Variants in STPG2 observed in about 807,000 individuals in gnomAD.
STPG2 encodes sperm-tail PG-rich repeat-containing protein 2.
Under a neutral mutation model 54.2 loss-of-function variants are expected in STPG2, and 56 were observed. That is an observed-to-expected ratio of 1.03 (90% confidence interval 0.83 to 1.29). The LOEUF is 1.29. Ranked by LOEUF, STPG2 falls within the 50% of genes most tolerant of loss-of-function variation. The probability of loss-of-function intolerance (pLI) is 0.00; values close to 1 mark genes in which losing one functional copy is unlikely to be tolerated. For missense variants in STPG2, 596 were observed against 544.9 expected (o/e 1.09, Z -0.93); for synonymous variants, 200 against 181.8 (o/e 1.10, Z -0.81).
intron 9 of STPG2, among the ~76,000 whole-genome samples, chr4:97,814,330 G>A (rs1256242111): frequency 6.6e-6 from 1 of 151,772 alleles, no homozygotes; most frequent in Non-Finnish European, 1.5e-5. Flanking sequence ...ATTTTGTTTT[G>A]TTTTGTTTTT....
chr4:97,865,545 C>A (rs572961941), intron 8 of STPG2, among the ~76,000 whole-genome samples: 7 of 152,054 alleles, frequency 4.6e-5, no homozygotes, highest in Non-Finnish European at 1.0e-4. Flanking sequence ...CCTTAGGTAT[C>A]TAGAACTAGA....
intron 10 of STPG2, among the ~76,000 whole-genome samples, chr4:97,670,204 T>C (rs929007500): frequency 6.6e-6 from 1 of 152,154 alleles, no homozygotes; most frequent in Non-Finnish European, 1.5e-5. Flanking sequence ...ATGGTATATA[T>C]GCTTCACCTC....
rs143709029 is a variant in STPG2 at position 98,022,950 on chromosome 4, C to T, written c.613-41632G>A. On this transcript the variant is annotated intron_variant, in intron 5 of 10. Coordinates refer to ENST00000295268, the MANE Select transcript of STPG2 (RefSeq NM_174952.3). ...TTTTTCCAAGTTTTTAACTTCTTTG[C>T]CATTGGTTTGAATTTCCTCCTGTAG... Among the ~76,000 whole-genome samples, 1,242 of 152,232 alleles carry T rather than the reference C, an allele frequency of 8.2e-3. 11 individuals are homozygous for T. The highest frequency in any genetic ancestry group is 0.014 in the Non-Finnish European group (930 of 68,010).
rs1578486505 is a variant in STPG2 at position 97,695,018 on chromosome 4, A to G, written c.1320+17681T>C. Reference sequence around the variant, plus strand: ...CCAATGTCACCCTAATAGCAAAACCATGAAAGGACATAACAAAAAGAGAAA... The same window carrying G: ...CCAATGTCACCCTAATAGCAAAACCGTGAAAGGACATAACAAAAAGAGAAA... On this transcript the variant is annotated intron_variant, in intron 10 of 10. Coordinates refer to ENST00000295268, the MANE Select transcript of STPG2 (RefSeq NM_174952.3). 1.3e-5 allele frequency among the ~76,000 whole-genome samples: 2 copies of G among 151,256 alleles called. 1 individual carries two copies. Among genetic ancestry groups the G allele is most frequent in the South Asian group, 4.2e-4 (2 of 4,788 alleles).
chr4:97,764,092 C>A, intron 9 of STPG2, among the ~76,000 whole-genome samples: 1 of 149,326 alleles, frequency 6.7e-6, no homozygotes, highest in Non-Finnish European at 1.5e-5. Context: ...TCTTCAAATC[C>A]AACCTCCACA....
At chr4:97,910,024 G>A (rs995479570) in intron 8 of STPG2, among the ~76,000 whole-genome samples, 2 of 152,128 alleles carry the variant, frequency 1.3e-5, no homozygotes, top group Non-Finnish European at 2.9e-5. Flanking sequence ...ATATTCTGAA[G>A]TAAATCCCTG....
chr4:97,941,564 A>G (rs1560601383), intron 8 of STPG2, among the ~76,000 whole-genome samples: 1 of 152,100 alleles, frequency 6.6e-6, no homozygotes, highest in African/African-American at 2.4e-5. Flanking sequence ...TGTAAAAGAA[A>G]TAAGTCTTTG....
chr4:97,503,928 A>C (rs1262176191), intron 4 of STPG2, among the ~76,000 whole-genome samples: 24 of 107,468 alleles, frequency 2.2e-4, no homozygotes, highest in Admixed American at 1.0e-3. Context: ...AAATATATTT[A>C]AATATTTTAA....
chr4:97,773,433 C>G (rs1726277569), intron 9 of STPG2, among the ~76,000 whole-genome samples: 1 of 152,066 alleles, frequency 6.6e-6, no homozygotes, highest in African/African-American at 2.4e-5. Flanking sequence ...AATTCTTCTG[C>G]CTTAGCCTCT....
intron 9 of STPG2, among the ~76,000 whole-genome samples, chr4:97,743,352 A>C (rs1294261935): frequency 6.6e-6 from 1 of 151,758 alleles, no homozygotes; most frequent in Admixed American, 6.6e-5. Context: ...AAATACACTC[A>C]GCTCCAGGTT....
chr4:97,769,109 C>T (rs1047039962), intron 9 of STPG2, among the ~76,000 whole-genome samples: 3 of 152,200 alleles, frequency 2.0e-5, no homozygotes, highest in African/African-American at 7.2e-5. Flanking sequence ...CCTGACATGG[C>T]TGAGAACTCA....
chr4:97,501,126 C>T (rs1040118277), intron 4 of STPG2, among the ~76,000 whole-genome samples: 1 of 151,884 alleles, frequency 6.6e-6, no homozygotes, highest in East Asian at 1.9e-4. Flanking sequence ...ACTGTGGATA[C>T]GTACAGGAAA....
intron 8 of STPG2, among the ~76,000 whole-genome samples, chr4:97,882,670 C>T (rs1421690482): frequency 6.6e-6 from 1 of 151,908 alleles, no homozygotes; most frequent in Non-Finnish European, 1.5e-5. Flanking sequence ...TGAAGAAAAA[C>T]CTTCTGGCAA....
chr4:97,536,694 C>T lies in STPG2; in HGVS notation c.462+176005G>A, dbSNP rs138467736. 1.2e-4 allele frequency among the ~76,000 whole-genome samples: 19 copies of T among 152,268 alleles called. 1 individual carries two copies. In the East Asian group the frequency reaches 2.9e-3, roughly 23 times the overall value. On this transcript the variant is annotated intron_variant, in intron 4 of 4. Coordinates refer to the STPG2 transcript ENST00000522676. ...TGCATTTTATTCTAATCTGTAGCTTCCTCTTAGGAAGAACATGGGCTGGAA... is the reference window on the plus strand; with the variant it reads ...TGCATTTTATTCTAATCTGTAGCTTTCTCTTAGGAAGAACATGGGCTGGAA...
intron 8 of STPG2, among the ~76,000 whole-genome samples, chr4:97,910,819 A>C (rs1731649431): frequency 6.6e-6 from 1 of 151,880 alleles, no homozygotes; most frequent in Non-Finnish European, 1.5e-5. Flanking sequence ...TCAACAAGCA[A>C]TTATAAATTC....
chr4:97,718,562 T>C (rs1282766617), intron 9 of STPG2, among the ~76,000 whole-genome samples: 1 of 152,008 alleles, frequency 6.6e-6, no homozygotes, highest in East Asian at 1.9e-4. Context: ...AAAGCAAATA[T>C]ATGTTATAGA....
At chr4:97,939,663 C>T (rs2149227717) in intron 8 of STPG2, among the ~76,000 whole-genome samples, 1 of 152,266 alleles carries the variant, frequency 6.6e-6, no homozygotes, top group East Asian at 1.9e-4. Flanking sequence ...ACAGATTTTC[C>T]TCCATCCCTT....
intron 4 of STPG2, among the ~76,000 whole-genome samples, chr4:97,528,241 A>G (rs1482331876): frequency 2.0e-5 from 3 of 152,282 alleles, no homozygotes; most frequent in Non-Finnish European, 4.4e-5. Context: ...TCCCAACACC[A>G]TTTATTAAAT....
At chr4:97,799,547 G>C (rs1478169418) in intron 9 of STPG2, among the ~76,000 whole-genome samples, 1 of 152,188 alleles carries the variant, frequency 6.6e-6, no homozygotes, top group African/African-American at 2.4e-5. Context: ...TCTGCCGAGA[G>C]ATCCGCTGTT....
Sources: allele counts gnomAD v4.1 joint callset (sites outside exome capture counted in the v4.1 genomes callset), GRCh38; gene constraint gnomAD v4.1.1; transcripts MANE v1.5; gene names NCBI Gene and HGNC (gene_info 2026-07-23, HGNC 2026-07-21).